VWA8: variants seen among roughly 807,000 people sequenced by gnomAD.
VWA8 encodes von Willebrand factor A domain-containing protein 8.
Under a neutral mutation model 241.5 loss-of-function variants are expected in VWA8, and 221 were observed. That is an observed-to-expected ratio of 0.91 (90% CI 0.82 to 1.02). VWA8 has a LOEUF of 1.02. Ranked by LOEUF, VWA8 falls within the 50% of genes least tolerant of loss-of-function variation. VWA8 has a pLI of 0.00. For missense variants in VWA8, 2,322 were observed against 2,328.7 expected, an observed-to-expected ratio of 1.00 and a Z score of 0.06; for synonymous variants, 852 against 827.1, an observed-to-expected ratio of 1.03 and a Z score of -0.52.
chr13:41,582,453 T>G (rs1416255121), intron 42 of VWA8, among the ~76,000 whole-genome samples: 1 of 152,090 alleles, frequency 6.6e-6, no homozygotes, highest in African/African-American at 2.4e-5. Context: ...CAGACACCTT[T>G]ACAACTGAGG....
chr13:41,605,364 C>G, intron 39 of VWA8, 88 bp from the exon 40 acceptor site: 1 of 1,270,868 alleles, frequency 7.9e-7, no homozygotes, highest in Admixed American at 1.8e-5. Context: ...GGAACTTTAG[C>G]AAACTCCTTG....
intron 2 of VWA8, among the ~76,000 whole-genome samples, chr13:41,948,011 C>T (rs1177476923): frequency 6.7e-6 from 1 of 149,980 alleles, no homozygotes; most frequent in Non-Finnish European, 1.5e-5. Context: ...ACCATGTGAC[C>T]TAGCAATTTA....
In VWA8 at chr13:41,690,294, T is replaced by A. The variant is rs2137816299; in HGVS notation, c.3867-19A>T. 1.3e-6 allele frequency: 2 copies of A among 1,593,850 alleles called. No homozygotes were observed. Among genetic ancestry groups the A allele is most frequent in the Non-Finnish European group, 1.7e-6 (2 of 1,170,198 alleles). ...ATATTTCCTGCAAACAAACAAAACA[T>A]CTAGCTTAAGTGAAATTTTTCTTTT... is the stretch of plus-strand genomic sequence containing the variant. On this transcript the variant is annotated intron_variant, in intron 32 of 44. Coordinates refer to ENST00000379310, the MANE Select transcript of VWA8 (RefSeq NM_015058.2).
intron 37 of VWA8, among the ~76,000 whole-genome samples, chr13:41,660,443 G>A (rs2044941757): frequency 6.6e-6 from 1 of 152,062 alleles, no homozygotes; most frequent in Admixed American, 6.6e-5. Context: ...AAATCCCAGA[G>A]GCATTGGCTT....
At chr13:41,769,102 T>A in intron 20 of VWA8, among the ~76,000 whole-genome samples, 1 of 152,102 alleles carries the variant, frequency 6.6e-6, no homozygotes, top group East Asian at 1.9e-4. Context: ...AGACAGTATT[T>A]TACTATATTG....
chr13:41,774,033 C>G (rs1040048448), intron 20 of VWA8, among the ~76,000 whole-genome samples: 7 of 152,154 alleles, frequency 4.6e-5, no homozygotes, highest in Non-Finnish European at 5.9e-5. Flanking sequence ...AAAGACATTT[C>G]AATTTGTCTT....
chr13:41,703,847 G>A (rs1262489160), intron 26 of VWA8, among the ~76,000 whole-genome samples: 2 of 148,486 alleles, frequency 1.3e-5, no homozygotes, highest in South Asian at 2.1e-4. Flanking sequence ...GTGTGATATC[G>A]GCTCACCACA....
intron 26 of VWA8, among the ~76,000 whole-genome samples, chr13:41,710,504 T>C (rs1286471622): frequency 1.3e-5 from 2 of 152,220 alleles, no homozygotes; most frequent in East Asian, 3.8e-4. Flanking sequence ...GCAAAGACTA[T>C]GACAATATAA....
intron 2 of VWA8, among the ~76,000 whole-genome samples, chr13:41,946,708 T>C (rs1263894531): frequency 1.3e-5 from 2 of 151,522 alleles, no homozygotes; most frequent in African/African-American, 4.8e-5. Flanking sequence ...AAAGGACAGA[T>C]TGCAGAGGCA....
chr13:41,676,106 C>A (rs118020513), intron 35 of VWA8, among the ~76,000 whole-genome samples: 2 of 151,990 alleles, frequency 1.3e-5, no homozygotes, highest in African/African-American at 4.8e-5. Context: ...TCATGTTATA[C>A]GGAGCTATTA....
At chr13:41,699,302 C>G in intron 28 of VWA8, 32 bp from the exon 29 acceptor site, 2 of 1,607,892 alleles carry the variant, frequency 1.2e-6, no homozygotes, top group Non-Finnish European at 8.5e-7. Context: ...AATTTTGTGG[C>G]TGGCAACCAA....
intron 21 of VWA8, among the ~76,000 whole-genome samples, chr13:41,749,987 G>A (rs531942766): frequency 2.1e-4 from 32 of 151,674 alleles, no homozygotes; most frequent in East Asian, 5.8e-4. Context: ...ACAAACCTGC[G>A]CGTTGTGCAC....
chr13:41,739,839 G>GTTTTTTTTTTTT (rs1417524214), intron 21 of VWA8, among the ~76,000 whole-genome samples: 5 of 43,580 alleles, frequency 1.1e-4, no homozygotes, highest in Admixed American at 2.9e-4. Context: ...TTTTTTTTTT[G>GTTTTTTTTTTTT]TTTTTTTTGT....
intron 36 of VWA8, among the ~76,000 whole-genome samples, chr13:41,671,746 C>CA (rs71096533): frequency 2.0e-5 from 3 of 152,102 alleles, no homozygotes; most frequent in Non-Finnish European, 2.9e-5. Flanking sequence ...CCTTCCCCCC[C>CA]ATTCATGTTA....
At chr13:41,804,941 A>G (rs1418495287) in intron 17 of VWA8, among the ~76,000 whole-genome samples, 2 of 152,210 alleles carry the variant, frequency 1.3e-5, no homozygotes, top group Admixed American at 6.5e-5. Context: ...AAGAAATTAA[A>G]ACACACCACC....
intron 17 of VWA8, among the ~76,000 whole-genome samples, chr13:41,810,569 A>T (rs1422093478): frequency 6.6e-6 from 1 of 152,144 alleles, no homozygotes; most frequent in Non-Finnish European, 1.5e-5. Context: ...AAAAGCTAAA[A>T]ATTAAAACAA....
chr13:41,669,166 A>G (rs183355111), intron 37 of VWA8, among the ~76,000 whole-genome samples: 1 of 152,328 alleles, frequency 6.6e-6, no homozygotes, highest in Non-Finnish European at 1.5e-5. Flanking sequence ...ACATAAAGTT[A>G]CACATGTCCT....
At chr13:41,943,548 C>T (rs747808904) in intron 2 of VWA8, among the ~76,000 whole-genome samples, 21 of 152,206 alleles carry the variant, frequency 1.4e-4, no homozygotes, top group South Asian at 2.1e-4. Context: ...ATCAAACTTT[C>T]TGCCAACCAA....
intron 20 of VWA8, among the ~76,000 whole-genome samples, chr13:41,765,203 G>A (rs904875175): frequency 6.6e-5 from 10 of 152,006 alleles, no homozygotes; most frequent in African/African-American, 2.4e-4. Context: ...AGTTATAAAA[G>A]GCAGTTTAAT....
Sources: allele counts gnomAD v4.1 joint callset (sites outside exome capture counted in the v4.1 genomes callset), GRCh38; gene constraint gnomAD v4.1.1; transcripts MANE v1.5; gene names NCBI Gene and HGNC (gene_info 2026-07-23, HGNC 2026-07-21).